CATSPERD: variants seen among roughly 807,000 people sequenced by gnomAD.
CATSPERD encodes the protein cation channel sperm-associated auxiliary subunit delta.
CATSPERD carries 86 observed loss-of-function variants against 98.1 expected under a neutral mutation model. The observed-to-expected ratio is 0.88, with a 90% confidence interval of 0.74 to 1.05. The LOEUF (loss-of-function observed/expected upper bound fraction) is 1.05, where lower values mean the gene tolerates loss of function less well. Ranked by LOEUF, CATSPERD falls within the 50% of genes least tolerant of loss-of-function variation. The pLI is 0.00. For synonymous variants in CATSPERD, 394 were observed against 390.2 expected (o/e 1.01, Z -0.12); for missense variants, 995 against 1,005.7 (o/e 0.99, Z 0.14).
chr19:5,723,908 C>G (rs1321614072), intron 1 of CATSPERD, among the ~76,000 whole-genome samples: 1 of 152,004 alleles, frequency 6.6e-6, no homozygotes, highest in Non-Finnish European at 1.5e-5. Flanking sequence ...TCCTGAGTAG[C>G]TGGGATTACA....
intron 11 of CATSPERD, among the ~76,000 whole-genome samples, chr19:5,751,252 C>G: frequency 1.7e-5 from 2 of 120,558 alleles, no homozygotes; most frequent in South Asian, 2.7e-4. Flanking sequence ...AGGCCTGGCG[C>G]GGTGGCTCAC....
chr19:5,745,689 C>A (rs2056079687), intron 8 of CATSPERD, among the ~76,000 whole-genome samples: 1 of 152,182 alleles, frequency 6.6e-6, no homozygotes, highest in Non-Finnish European at 1.5e-5. Context: ...TAGAGTAATT[C>A]TCTATTCAGA....
rs955067613 is a variant in CATSPERD, at chr19:5,762,381, A to C, written c.1428-834A>C. ...GGCCAGCCCCATACACTTTTAAACT[A>C]TCAGATATTGTGAGAATTCACTCAC... On this transcript the variant is annotated intron_variant, in intron 15 of 21. Transcript: ENST00000381624. Among the ~76,000 whole-genome samples the C allele has an allele frequency of 3.8e-4, 57 of 151,984 alleles. 1 individual carries two copies. Among genetic ancestry groups the C allele is most frequent in the Non-Finnish European group, 5.9e-5 (4 of 68,002 alleles).
intron 7 of CATSPERD, among the ~76,000 whole-genome samples, chr19:5,740,541 C>T (rs933143777): frequency 1.3e-5 from 2 of 151,340 alleles, no homozygotes; most frequent in Non-Finnish European, 2.9e-5. Flanking sequence ...GAGCCGAGAT[C>T]GCACCAGTGC....
chr19:5,742,203 TGTGTGC>T (rs2055993901), intron 7 of CATSPERD, among the ~76,000 whole-genome samples: 1 of 117,484 alleles, frequency 8.5e-6, no homozygotes. Flanking sequence ...TGCGTGTACA[TGTGTGC>T]ATGTGTGTAC....
chr19:5,735,318 AGTTT>A (rs1382550318), intron 5 of CATSPERD, among the ~76,000 whole-genome samples: 1 of 138,690 alleles, frequency 7.2e-6, no homozygotes, highest in Non-Finnish European at 1.6e-5. Flanking sequence ...TTTGTTTGTT[AGTTT>A]GTTTTGAGAT....
At chr19:5,730,371 C>G (rs867321631) in intron 4 of CATSPERD, among the ~76,000 whole-genome samples, 1 of 151,322 alleles carries the variant, frequency 6.6e-6, no homozygotes, top group Admixed American at 6.6e-5. Flanking sequence ...GGTGAAACCC[C>G]GTCTCTACTA....
At chr19:5,771,150 GCCCT>G in intron 19 of CATSPERD, 78 bp downstream of exon 19, 2 of 1,471,856 alleles carry the variant, frequency 1.4e-6, no homozygotes, top group Non-Finnish European at 1.8e-6. Context: ...TACCAGCCTG[GCCCT>G]CCAGGCTCCC....
intron 4 of CATSPERD, 80 bp from the exon 5 acceptor site, chr19:5,733,776 T>G: frequency 1.0e-6 from 1 of 994,922 alleles, no homozygotes. Flanking sequence ...TTTTTTTCAA[T>G]GCATGTCTAG....
intron 20 of CATSPERD, 122 bp from the exon 21 acceptor site, chr19:5,776,039 A>G (rs1438127107): frequency 2.9e-6 from 3 of 1,036,488 alleles, no homozygotes; most frequent in Admixed American, 2.3e-5. Context: ...TTGGCCCCAG[A>G]GTCCCACCCA....
chr19:5,731,372 C>T (rs576347005), intron 4 of CATSPERD, among the ~76,000 whole-genome samples: 7 of 151,850 alleles, frequency 4.6e-5, no homozygotes, highest in African/African-American at 1.7e-4. Flanking sequence ...CCTGTTGTTC[C>T]AGCAACTCAG....
intron 13 of CATSPERD, 152 bp from the exon 14 acceptor site, chr19:5,757,691 T>C (rs1233916819): frequency 2.6e-5 from 13 of 509,468 alleles, no homozygotes; most frequent in Non-Finnish European, 3.8e-5. Flanking sequence ...TCTTCTCACC[T>C]TGGTCTCCCA....
At position 5,750,176 on chromosome 19, in the gene CATSPERD, T is replaced by C. The variant is rs146853639; in HGVS notation, c.987+993T>C. Among the ~76,000 whole-genome samples the C allele has an allele frequency of 6.8e-3, 967 of 143,068 alleles. 7 individuals are homozygous for C. Among genetic ancestry groups the C allele is most frequent in the African/African-American group, 0.016 (637 of 39,884 alleles). 93.9% of individuals were successfully genotyped at this position (143,068 alleles called of 152,430 possible). A position where few individuals can be genotyped will look rare whatever the true frequency, so the allele number is the denominator to read the frequency against. On this transcript the variant is annotated intron_variant, in intron 11 of 21. Coordinates refer to ENST00000381624, the MANE Select transcript of CATSPERD (RefSeq NM_152784.4). ...ATAAAAGAATTATTTTGGCCGGGCG[T>C]GGTGGCTCACGCCTGTAATCCCAGC...
chr19:5,764,773 C>T (rs1209880477), intron 16 of CATSPERD, among the ~76,000 whole-genome samples: 2 of 151,984 alleles, frequency 1.3e-5, no homozygotes, highest in Non-Finnish European at 2.9e-5. Context: ...CCCACCATGC[C>T]GAGCTAATTT....
intron 21 of CATSPERD, 119 bp from the exon 22 acceptor site, chr19:5,778,257 C>T (rs560190289): frequency 8.5e-6 from 7 of 822,478 alleles, no homozygotes; most frequent in African/African-American, 1.7e-5. Context: ...GTGGGTATAC[C>T]CGGTCACTGC....
intron 6 of CATSPERD, among the ~76,000 whole-genome samples, 171 bp from the exon 7 acceptor site, chr19:5,739,155 G>A (rs1172930783): frequency 6.6e-6 from 1 of 152,104 alleles, no homozygotes; most frequent in African/African-American, 2.4e-5. Flanking sequence ...GTGAGCCACC[G>A]CACCTGGCGT....
At chr19:5,761,773 G>T (rs541627331) in intron 15 of CATSPERD, among the ~76,000 whole-genome samples, 1 of 151,384 alleles carries the variant, frequency 6.6e-6, no homozygotes, top group East Asian at 1.9e-4. Context: ...CACGATCTCG[G>T]CTCACTGCAA....
chr19:5,778,232 T>A, intron 21 of CATSPERD, 144 bp from the exon 22 acceptor site: 1 of 552,548 alleles, frequency 1.8e-6, no homozygotes. Flanking sequence ...AAAGGCATAG[T>A]GGATGGAAAC....
intron 15 of CATSPERD, among the ~76,000 whole-genome samples, chr19:5,760,849 G>A (rs2145822254): frequency 6.6e-6 from 1 of 151,784 alleles, no homozygotes; most frequent in South Asian, 2.1e-4. Flanking sequence ...GGAGTTTCAG[G>A]TTGTAGTAAG....
Sources: allele counts gnomAD v4.1 joint callset (sites outside exome capture counted in the v4.1 genomes callset), GRCh38; gene constraint gnomAD v4.1.1; transcripts MANE v1.5; gene names NCBI Gene and HGNC (gene_info 2026-07-23, HGNC 2026-07-21).